BAZ2B: variants seen among roughly 807,000 people sequenced by gnomAD.
BAZ2B encodes the protein bromodomain adjacent to zinc finger domain 2B.
Under a neutral mutation model 246.0 loss-of-function variants are expected in BAZ2B, and 91 were observed. That is an observed-to-expected ratio of 0.37 (90% CI 0.31 to 0.44). BAZ2B has a LOEUF of 0.44. BAZ2B is among the 20% of genes least tolerant of loss of function. The pLI is 1.00. For missense variants in BAZ2B, 2,332 were observed against 2,533.7 expected, an observed-to-expected ratio of 0.92 and a Z score of 1.71; for synonymous variants, 855 against 860.0, an observed-to-expected ratio of 0.99 and a Z score of 0.10.
At chr2:159,666,071 T>A in the BAZ2B span, among the ~76,000 whole-genome samples, 1 of 151,678 alleles carries the variant, frequency 6.6e-6, no homozygotes, top group Admixed American at 6.6e-5. Context: ...ACGTTCTTCT[T>A]GTTATTGAGT....
At chr2:159,544,699 C>T (rs2087090730) in intron 2 of BAZ2B, among the ~76,000 whole-genome samples, 1 of 152,104 alleles carries the variant, frequency 6.6e-6, no homozygotes, top group Non-Finnish European at 1.5e-5. Context: ...ACATTTATCA[C>T]TAAAGACTAC....
At chr2:159,391,618 A>G (rs1264693961) in intron 20 of BAZ2B, among the ~76,000 whole-genome samples, 2 of 152,202 alleles carry the variant, frequency 1.3e-5, no homozygotes. Context: ...CTGGAGGTAC[A>G]TACATACTCA....
chr2:159,616,374 A>T lies in BAZ2B; in HGVS notation c.-178T>A, dbSNP rs1469269830. 1 of 152,110 alleles carries T rather than the reference A, an allele frequency of 6.6e-6. No homozygotes were observed. The highest frequency in any genetic ancestry group is 1.5e-5 in the Non-Finnish European group (1 of 68,030). 9.4% of individuals were successfully genotyped at this position (152,110 alleles called of 1,614,324 possible). On this transcript the variant is annotated 5_prime_UTR_variant, in exon 1 of 37. Transcript: ENST00000392783. Reference sequence around the variant, plus strand: ...ATTTCTGCAAGAAAAGTATAAAGAGAGTTGTAGTGGAGGTGAGATTTGTGA... The same window carrying T: ...ATTTCTGCAAGAAAAGTATAAAGAGTGTTGTAGTGGAGGTGAGATTTGTGA...
At chr2:159,379,616 TAAG>T (rs2061770702) in intron 25 of BAZ2B, among the ~76,000 whole-genome samples, 1 of 152,198 alleles carries the variant, frequency 6.6e-6, no homozygotes, top group Non-Finnish European at 1.5e-5. Context: ...TATTTTTACT[TAAG>T]AAAGAGAATT....
chr2:159,692,918 CCTTT>C, the BAZ2B span, among the ~76,000 whole-genome samples: 27 of 152,310 alleles, frequency 1.8e-4, no homozygotes, highest in African/African-American at 6.3e-4. Flanking sequence ...AAGCCATCCT[CCTTT>C]CTCAGTTTCC....
chr2:159,351,649 A>G (rs2058578534), intron 27 of BAZ2B, among the ~76,000 whole-genome samples: 1 of 152,166 alleles, frequency 6.6e-6, no homozygotes, highest in African/African-American at 2.4e-5. Context: ...GTCTTTGCCA[A>G]TATTTGAGGT....
intron 31 of BAZ2B, among the ~76,000 whole-genome samples, chr2:159,343,558 C>G (rs931421297): frequency 6.6e-6 from 1 of 151,936 alleles, no homozygotes; most frequent in Admixed American, 6.6e-5. Context: ...AGCAAAAAAC[C>G]AAACAATCTG....
Position 159,349,564 on chromosome 2 carries a change from G to A in BAZ2B, c.4863+144C>T. 2.9e-6 allele frequency: 3 copies of A among 1,017,390 alleles called. No homozygotes were observed. The South Asian group carries it at 5.5e-5, about 19-fold the overall frequency. 63.0% of individuals were successfully genotyped at this position (1,017,390 alleles called of 1,614,324 possible). A position where few individuals can be genotyped will look rare whatever the true frequency, so the allele number is the denominator to read the frequency against. On this transcript the variant is annotated intron_variant, in intron 28 of 36. Coordinates refer to ENST00000392783, the MANE Select transcript of BAZ2B (RefSeq NM_013450.4). ...ATCAGTAGTTCTAATGAACCTTGGTGACAGAAATTCTGACTTGTTTTAGTT... is the reference window on the plus strand; with the variant it reads ...ATCAGTAGTTCTAATGAACCTTGGTAACAGAAATTCTGACTTGTTTTAGTT...
the BAZ2B span, among the ~76,000 whole-genome samples, chr2:159,625,324 G>A: frequency 6.6e-6 from 1 of 151,996 alleles, no homozygotes; most frequent in Non-Finnish European, 1.5e-5. Flanking sequence ...GAAACACAGA[G>A]CACAACACAA....
chr2:159,355,505 A>G (rs919544555), intron 27 of BAZ2B, among the ~76,000 whole-genome samples: 3 of 152,214 alleles, frequency 2.0e-5, no homozygotes, highest in Admixed American at 6.5e-5. Flanking sequence ...TCACATTTCC[A>G]TGGTAGCAAT....
At chr2:159,509,420 T>G (rs982445345) in intron 2 of BAZ2B, among the ~76,000 whole-genome samples, 1 of 152,160 alleles carries the variant, frequency 6.6e-6, no homozygotes, top group Non-Finnish European at 1.5e-5. Context: ...GGCTTAATTA[T>G]TTTTTAAAAG....
chr2:159,370,423 C>T (rs779260760), intron 27 of BAZ2B, among the ~76,000 whole-genome samples: 1 of 134,240 alleles, frequency 7.4e-6, no homozygotes, highest in Non-Finnish European at 1.5e-5. Context: ...CGCTCTCTTG[C>T]CCAGTGGCAC....
the BAZ2B span, among the ~76,000 whole-genome samples, chr2:159,627,099 C>T: frequency 2.0e-5 from 3 of 152,074 alleles, no homozygotes; most frequent in African/African-American, 4.8e-5. Context: ...ACACATACAC[C>T]GTCCCAAGTC....
chr2:159,428,031 T>C lies in BAZ2B; in HGVS notation c.2376A>G (p.Arg792=). 1 of 1,613,038 alleles carries C rather than the reference T, an allele frequency of 6.2e-7. No homozygotes were observed. The highest frequency in any genetic ancestry group is 8.5e-7 in the Non-Finnish European group (1 of 1,179,260). Residue 792 remains arginine (R), a synonymous_variant, in exon 13 of 37, where the codon AGA becomes AGG. Transcript: ENST00000392783. ...QYPEVIKYLS[R]NGIMDISRDN... ...CCCTTGAGATATCCATTATTCCATT[T>C]CTGCTGAGATACTGAAAAAATCACA...
In BAZ2B at chr2:159,412,421, C is replaced by T. The variant is rs202015347; in HGVS notation, c.2591G>A (p.Arg864His). The T allele has an allele frequency of 7.6e-5, 123 of 1,614,134 alleles. No individual in the cohort carries two copies. The African/African-American group carries it at 1.1e-3, about 15-fold the overall frequency. The change falls in exon 14 of 37, where the codon CGT becomes CAT. Residue 864 changes from arginine to histidine, a missense_variant. Arg to His is a conservative substitution (Grantham distance 29, BLOSUM62 0). This residue lies in a region of BAZ2B where 651 missense variants were observed against 650.9 expected (regional missense o/e 1.00). Transcript: ENST00000392783. ...AACATTTGGAGGTCGACCTTTCCGA[C>T]GTCTCATCCTGGATTCCTCTCTTGC... The part of the protein sequence containing the change: ...QRAREESRMR[R>H]RKGRPPNVGN...
intron 20 of BAZ2B, 70 bp from the exon 21 acceptor site, chr2:159,389,555 G>T: frequency 3.1e-6 from 4 of 1,302,954 alleles, no homozygotes; most frequent in South Asian, 3.7e-5. Flanking sequence ...TTAGAATTAT[G>T]TAGCAACATT....
In BAZ2B at chr2:159,459,378, A is replaced by G. The variant is rs2076154167; in HGVS notation, c.146-5577T>C. 4 of 152,238 alleles carry G rather than the reference A, an allele frequency of 2.6e-5. No individual in the cohort carries two copies. In the South Asian group the frequency reaches 8.3e-4, roughly 31 times the overall value. 9.4% of individuals were successfully genotyped at this position (152,238 alleles called of 1,614,324 possible). A position where few individuals can be genotyped will look rare whatever the true frequency, so the allele number is the denominator to read the frequency against. ...TAAAAGGCTAGAATAACCGGAAATT[A>G]TTCTTTAAATGATTAAAATATAACA... On this transcript the variant is annotated intron_variant, in intron 3 of 36. Transcript: ENST00000392783.
chr2:159,524,517 G>A (rs1037148860), intron 2 of BAZ2B, among the ~76,000 whole-genome samples: 1 of 152,048 alleles, frequency 6.6e-6, no homozygotes, highest in Non-Finnish European at 1.5e-5. Context: ...TGGGGTAGAG[G>A]AGGTACCTAG....
Position 159,526,894 on chromosome 2 carries a change from T to A in BAZ2B, c.-3+28929A>T, listed in dbSNP as rs576132158. On this transcript the variant is annotated intron_variant, in intron 2 of 36. Transcript: ENST00000392783. Reference sequence around the variant, plus strand: ...AGACAGGGTCTCATTCTATCACCCATGCTGGAGTGCAGTGGAATCTCTGCT... The same window carrying A: ...AGACAGGGTCTCATTCTATCACCCAAGCTGGAGTGCAGTGGAATCTCTGCT... Among the ~76,000 whole-genome samples, 164 of 152,040 alleles carry A rather than the reference T, an allele frequency of 1.1e-3. 1 individual carries two copies. The highest frequency in any genetic ancestry group is 2.0e-3 in the Non-Finnish European group (139 of 67,960).
Sources: gnomAD v4.1 joint callset for allele counts (sites outside exome capture counted in the v4.1 genomes callset) on GRCh38, gnomAD v4.1.1 for gene constraint, gnomAD v4.1.1 regional missense constraint, MANE v1.5 for transcripts, NCBI Gene and HGNC (gene_info 2026-07-23, HGNC 2026-07-21) for gene names.